The following UHRF2 variants were observed in gnomAD, a reference collection of about 807,000 sequenced individuals.
The protein encoded by UHRF2 is ubiquitin like with PHD and ring finger domains 2.
A neutral mutation model predicts 96.8 loss-of-function variants in UHRF2; 23 were observed. That is an observed-to-expected ratio of 0.24 (90% CI 0.17 to 0.34). The LOEUF is 0.34. UHRF2 is among the 10% of genes least tolerant of loss of function. The pLI is 1.00. For missense variants in UHRF2, 685 were observed against 981.5 expected (o/e 0.70, Z 4.04); for synonymous variants, 385 against 332.6 (o/e 1.16, Z -1.72).
chr9:6,457,914 A>G (rs1284126855), intron 3 of UHRF2, among the ~76,000 whole-genome samples: 1 of 152,310 alleles, frequency 6.6e-6, no homozygotes, highest in African/African-American at 2.4e-5. Flanking sequence ...GTTTGCCCGT[A>G]TTTTATTGAG....
chr9:6,439,928 C>G (rs1821064330), intron 3 of UHRF2, among the ~76,000 whole-genome samples: 1 of 152,120 alleles, frequency 6.6e-6, no homozygotes. Flanking sequence ...AATTATAAAT[C>G]ATTAAGTGGT....
chr9:6,504,490 G>T (rs1366952689), intron 14 of UHRF2, 103 bp from the exon 15 acceptor site: 6 of 668,318 alleles, frequency 9.0e-6, no homozygotes, highest in Middle Eastern at 5.3e-4. Context: ...GGGAACATTT[G>T]AATTATTCTC....
Position 6,506,211 on chromosome 9 carries a change from G to A in UHRF2, c.*32G>A, listed in dbSNP as rs1816574493. Reference sequence around the variant, plus strand: ...TGCTTTCACTGTGTTGTTCATGGTGGCTTTTTGGACAATAAAGAATCTAAA... The same window carrying A: ...TGCTTTCACTGTGTTGTTCATGGTGACTTTTTGGACAATAAAGAATCTAAA... On this transcript the variant is annotated 3_prime_UTR_variant, in exon 16 of 16. Coordinates refer to ENST00000276893, the MANE Select transcript of UHRF2 (RefSeq NM_152896.3). The A allele has an allele frequency of 1.2e-6, 2 of 1,610,246 alleles. No individual in the cohort carries two copies. Among genetic ancestry groups the A allele is most frequent in the African/African-American group, 1.3e-5 (1 of 74,886 alleles).
In UHRF2 at chr9:6,421,042, G is replaced by A; in HGVS notation, c.284G>A (p.Ser95Asn). The A allele has an allele frequency of 6.2e-7, 1 of 1,614,080 alleles. No homozygotes were observed. Among genetic ancestry groups the A allele is most frequent in the Non-Finnish European group, 8.5e-7 (1 of 1,180,006 alleles). Residue 95 changes from serine to asparagine, a missense_variant, in exon 2 of 16, where the codon AGT (serine) becomes AAT (asparagine). Physicochemically the swap from Ser to Asn is conservative, Grantham distance 46 (BLOSUM62 1). Transcript: ENST00000276893. ...ATTGAGGCTAAACCCTGTTCTAATA[G>A]TCCACCTAAAGTAAAGAAAGCTCCG... ...TQIEAKPCSN[S>N]PPKVKKAPRV...
chr9:6,486,892 T>C lies in UHRF2; in HGVS notation c.1464T>C (p.Ser488=), dbSNP rs1241610181. 2 of 1,614,040 alleles carry C rather than the reference T, an allele frequency of 1.2e-6. No homozygotes were observed. The highest frequency in any genetic ancestry group is 1.1e-5 in the South Asian group (1 of 91,080). Residue 488 remains serine, a synonymous_variant, in exon 9 of 16, where the codon TCT becomes TCC. Transcript: ENST00000276893. ...IHGRSNDGAY[S]LVLAGGFADE... The stretch of plus-strand genomic sequence containing the variant: ...GTCGAAGTAATGATGGGGCTTATTC[T>C]CTTGTACTGGCTGGTGGATTTGCGG...
intron 4 of UHRF2, among the ~76,000 whole-genome samples, chr9:6,461,358 C>T (rs527551331): frequency 2.1e-5 from 2 of 95,262 alleles, no homozygotes; most frequent in East Asian, 3.9e-4. Context: ...TCTCTCCCCC[C>T]CCTCCTCCTC....
chr9:6,500,309 G>C (rs137934647), intron 13 of UHRF2, among the ~76,000 whole-genome samples: 321 of 152,260 alleles, frequency 2.1e-3, no homozygotes, highest in African/African-American at 7.5e-3. Flanking sequence ...AAAATAAATT[G>C]AGACTTAAAT....
At chr9:6,475,563 C>T in intron 5 of UHRF2, 63 bp downstream of exon 5, 1 of 878,688 alleles carries the variant, frequency 1.1e-6, no homozygotes, top group South Asian at 2.5e-5. Context: ...TTTATTTTTA[C>T]TGGTCAGTGA....
intron 9 of UHRF2, among the ~76,000 whole-genome samples, chr9:6,489,053 G>A (rs562002307): frequency 2.0e-5 from 3 of 152,050 alleles, no homozygotes; most frequent in Admixed American, 6.5e-5. Context: ...CAAGTGACCC[G>A]CCTACCTCAG....
chr9:6,470,140 A>G (rs530709310), intron 4 of UHRF2, among the ~76,000 whole-genome samples: 22 of 152,190 alleles, frequency 1.4e-4, no homozygotes, highest in Non-Finnish European at 2.4e-4. Context: ...TGGAAGGCCA[A>G]GGCGGGCAGA....
At chr9:6,419,422 G>A (rs1019904817) in intron 1 of UHRF2, among the ~76,000 whole-genome samples, 12 of 152,064 alleles carry the variant, frequency 7.9e-5, no homozygotes, top group Non-Finnish European at 1.8e-4. Context: ...CTTCAGGCAA[G>A]TGGAGTAACA....
At chr9:6,418,885 G>A (rs992149975) in intron 1 of UHRF2, among the ~76,000 whole-genome samples, 28 of 152,122 alleles carry the variant, frequency 1.8e-4, no homozygotes, top group African/African-American at 5.8e-4. Context: ...CAGCAGGGCC[G>A]TCCTCTGATA....
At chr9:6,459,229 G>C (rs1198360402) in intron 3 of UHRF2, among the ~76,000 whole-genome samples, 1 of 152,040 alleles carries the variant, frequency 6.6e-6, no homozygotes, top group Non-Finnish European at 1.5e-5. Flanking sequence ...AAGAAAGAAA[G>C]AAACTGGAAT....
rs1346307588 is a variant in UHRF2, at chr9:6,488,812, G to T, written c.1497+1887G>T. 3.3e-3 allele frequency among the ~76,000 whole-genome samples: 474 copies of T among 145,300 alleles called. 5 individuals carry two copies. Among genetic ancestry groups the T allele is most frequent in the African/African-American group, 0.011 (444 of 38,862 alleles). On this transcript the variant is annotated intron_variant, in intron 9 of 15. Transcript: ENST00000276893. ...CTACCGTGCTGAGTGTTTTTTTTTTGTTTTGTTTTGTTTTTTTTGAGATAG... is the reference window on the plus strand; with the variant it reads ...CTACCGTGCTGAGTGTTTTTTTTTTTTTTTGTTTTGTTTTTTTTGAGATAG...
Position 6,481,741 on chromosome 9 carries a change from C to A in UHRF2, c.1259C>A (p.Thr420Asn). 2 of 1,613,820 alleles carry A rather than the reference C, an allele frequency of 1.2e-6. No individual in the cohort carries two copies. Among genetic ancestry groups the A allele is most frequent in the Non-Finnish European group, 1.7e-6 (2 of 1,179,848 alleles). The part of the protein sequence containing the change: ...KKKAKMPSAS[T>N]ESRRDWGRGM... ...AAAGCAAAGATGCCGTCAGCTAGTA[C>A]TGAAAGCCGAAGAGACTGGGGCAGG... The change falls in exon 7 of 16, where the codon ACT becomes AAT. Residue 420 changes from threonine (T) to asparagine (N), a missense_variant. Physicochemically the swap from Thr to Asn is moderately conservative, Grantham distance 65. This residue lies in a region of UHRF2 where 73 missense variants were observed against 283.7 expected (regional missense o/e 0.26). Transcript: ENST00000276893.
At chr9:6,493,670 A>C (rs994026388) in intron 9 of UHRF2, among the ~76,000 whole-genome samples, 156 bp from the exon 10 acceptor site, 1 of 152,226 alleles carries the variant, frequency 6.6e-6, no homozygotes, top group Admixed American at 6.5e-5. Flanking sequence ...TATACTACAC[A>C]CAAGATTGCA....
At chr9:6,445,004 G>T (rs948055848) in intron 3 of UHRF2, among the ~76,000 whole-genome samples, 2 of 151,866 alleles carry the variant, frequency 1.3e-5, no homozygotes, top group Non-Finnish European at 2.9e-5. Context: ...TAGAATTTGG[G>T]TTGAGGCCGG....
At chr9:6,421,976 A>G (rs915957699) in intron 2 of UHRF2, among the ~76,000 whole-genome samples, 16 of 152,296 alleles carry the variant, frequency 1.1e-4, no homozygotes, top group Non-Finnish European at 1.0e-4. Flanking sequence ...TTTTATTAAC[A>G]TACCGCGGTA....
chr9:6,490,008 A>G (rs1245951603), intron 9 of UHRF2, among the ~76,000 whole-genome samples: 2 of 151,804 alleles, frequency 1.3e-5, no homozygotes, highest in Non-Finnish European at 2.9e-5. Flanking sequence ...ATCTTTGTAT[A>G]TTTGTCAGAA....
Sources: gnomAD v4.1 joint callset for allele counts (sites outside exome capture counted in the v4.1 genomes callset) on GRCh38, gnomAD v4.1.1 for gene constraint, gnomAD v4.1.1 regional missense constraint, MANE v1.5 for transcripts, NCBI Gene and HGNC (gene_info 2026-07-23, HGNC 2026-07-21) for gene names.